Variants in SLC9B1 observed in about 807,000 individuals in gnomAD.
SLC9B1 encodes the protein solute carrier family 9 member B1, also known as sodium/hydrogen exchanger 9B1.
In SLC9B1, 32 loss-of-function variants were observed where a neutral mutation model predicts 51.7. The observed-to-expected ratio is 0.62, with a 90% CI of 0.47 to 0.83. SLC9B1 has a LOEUF of 0.83. Ranked by LOEUF, SLC9B1 falls within the 40% of genes least tolerant of loss-of-function variation. SLC9B1 has a pLI of 0.00. For missense variants in SLC9B1, 406 were observed against 613.2 expected (o/e 0.66, Z 3.57); for synonymous variants, 145 against 212.7 (o/e 0.68, Z 2.77).
rs1739908076 is a variant in SLC9B1 at position 102,990,865 on chromosome 4, C to T, written c.69+778G>A. Among the ~76,000 whole-genome samples the T allele has an allele frequency of 2.0e-5, 3 of 152,046 alleles. No homozygotes were observed. The South Asian group carries it at 6.2e-4, about 31-fold the overall frequency. On this transcript the variant is annotated intron_variant, in intron 2 of 11. Coordinates refer to ENST00000296422, the MANE Select transcript of SLC9B1 (RefSeq NM_139173.4). The stretch of plus-strand genomic sequence containing the variant: ...ATGGTTAAAAATGAATTATGTAGCT[C>T]TTTAAGATCAAAGTTCTTCAAATCT...
chr4:103,011,818 T>G (rs76281393), intron 1 of SLC9B1, among the ~76,000 whole-genome samples: 28,981 of 152,052 alleles, frequency 0.19, 3,260 homozygotes, highest in African/African-American at 0.3. Flanking sequence ...AAGCCCTGAG[T>G]TCCCATGGAC....
At chr4:102,968,534 T>A (rs190570098) in intron 3 of SLC9B1, among the ~76,000 whole-genome samples, 85 of 152,342 alleles carry the variant, frequency 5.6e-4, no homozygotes, top group Admixed American at 1.6e-3. Flanking sequence ...TTCAAATATT[T>A]CTTAAATAAA....
Position 102,924,343 on chromosome 4 carries a change from G to A in SLC9B1, c.829+7781C>T, listed in dbSNP as rs113756057. ...ATTTAATAAATGGTGCTGGGAAAAC[G>A]GGCTAGCAATACGTAGAAAACTGAA... is the stretch of plus-strand genomic sequence containing the variant. On this transcript the variant is annotated intron_variant, in intron 7 of 11. Coordinates refer to ENST00000296422, the MANE Select transcript of SLC9B1 (RefSeq NM_139173.4). 9.0e-3 allele frequency among the ~76,000 whole-genome samples: 1,372 copies of A among 152,088 alleles called. 14 individuals are homozygous for A. Among genetic ancestry groups the A allele is most frequent in the African/African-American group, 0.03 (1,246 of 41,516 alleles).
At chr4:102,926,928 G>A (rs1736213593) in intron 7 of SLC9B1, among the ~76,000 whole-genome samples, 1 of 152,060 alleles carries the variant, frequency 6.6e-6, no homozygotes, top group Admixed American at 6.6e-5. Flanking sequence ...CAGAACAGAG[G>A]CCTCAGAAAT....
chr4:103,008,480 CT>C (rs563726546), intron 1 of SLC9B1, among the ~76,000 whole-genome samples: 1 of 150,516 alleles, frequency 6.6e-6, no homozygotes, highest in Non-Finnish European at 1.5e-5. Flanking sequence ...GTGGTGCGAT[CT>C]GGGTTCACTG....
rs568330874 is a variant in SLC9B1, at chr4:102,985,711, G to A, written c.211+4089C>T. On this transcript the variant is annotated intron_variant, in intron 3 of 11. Transcript: ENST00000296422. Reference sequence around the variant, plus strand: ...GCTAATTTTTTGTATTTTTAGTAGAGACAGGGCTTCACCATGTTGGCCAGG... The same window carrying A: ...GCTAATTTTTTGTATTTTTAGTAGAAACAGGGCTTCACCATGTTGGCCAGG... 6.6e-5 allele frequency among the ~76,000 whole-genome samples: 10 copies of A among 152,002 alleles called. No individual in the cohort carries two copies. The South Asian group carries it at 2.1e-3, about 32-fold the overall frequency.
intron 3 of SLC9B1, among the ~76,000 whole-genome samples, chr4:102,972,005 T>G (rs1738788949): frequency 6.6e-6 from 1 of 152,018 alleles, no homozygotes; most frequent in Non-Finnish European, 1.5e-5. Flanking sequence ...TTAATTAGCC[T>G]ACCAACAAAA....
chr4:102,920,232 T>C (rs1735796119), intron 7 of SLC9B1, among the ~76,000 whole-genome samples: 3 of 152,176 alleles, frequency 2.0e-5, no homozygotes, highest in Admixed American at 2.0e-4. Flanking sequence ...TATTTGCTGT[T>C]CTGCAGCCTC....
intron 3 of SLC9B1, among the ~76,000 whole-genome samples, chr4:102,968,235 A>G (rs535461264): frequency 6.6e-6 from 1 of 152,356 alleles, no homozygotes; most frequent in South Asian, 2.1e-4. Flanking sequence ...AGATGCTAAG[A>G]CAATTCAATA....
chr4:102,962,101 G>C (rs1738168345), intron 3 of SLC9B1: 1 of 388,558 alleles, frequency 2.6e-6, no homozygotes, highest in Non-Finnish European at 5.0e-6. Flanking sequence ...ACTGCTCTGG[G>C]TCTCAGCCCT....
chr4:103,001,014 A>G (rs1211075780), intron 1 of SLC9B1, among the ~76,000 whole-genome samples: 1 of 152,172 alleles, frequency 6.6e-6, no homozygotes, highest in Non-Finnish European at 1.5e-5. Context: ...ATTTCCATAC[A>G]TCTTCTGAAA....
chr4:102,994,066 T>C (rs1029574165), intron 1 of SLC9B1, among the ~76,000 whole-genome samples: 2 of 152,154 alleles, frequency 1.3e-5, no homozygotes, highest in African/African-American at 4.8e-5. Flanking sequence ...ATTTTCCCCA[T>C]TGTCTTGGTG....
chr4:103,009,182 T>C (rs758263505), intron 1 of SLC9B1, among the ~76,000 whole-genome samples: 32 of 152,244 alleles, frequency 2.1e-4, no homozygotes, highest in Non-Finnish European at 3.1e-4. Context: ...TACGTACTTC[T>C]TGGGAACTTC....
chr4:103,001,083 C>G (rs1045881802), intron 1 of SLC9B1, among the ~76,000 whole-genome samples: 3 of 152,236 alleles, frequency 2.0e-5, no homozygotes, highest in South Asian at 2.1e-4. Context: ...GGGCCCAACA[C>G]CACGTGTAAG....
chr4:102,991,634 A>C lies in SLC9B1; in HGVS notation c.69+9T>G. On this transcript the variant is annotated intron_variant, in intron 2 of 11. Transcript: ENST00000296422. The stretch of plus-strand genomic sequence containing the variant: ...TATCATATATTACAGTATACTTTTA[A>C]GTTTTTACCTGAGGAGTTGTAGATG... 1 of 1,557,994 alleles carries C rather than the reference A, an allele frequency of 6.4e-7. No homozygotes were observed. Among genetic ancestry groups the C allele is most frequent in the East Asian group, 2.3e-5 (1 of 43,292 alleles).
rs559776147 is a variant in SLC9B1 at position 102,946,397 on chromosome 4, G to C, written c.525+250C>G. Among the ~76,000 whole-genome samples the C allele has an allele frequency of 1.8e-3, 270 of 152,166 alleles. 1 individual carries two copies. Among genetic ancestry groups the C allele is most frequent in the African/African-American group, 6.3e-3 (261 of 41,530 alleles). On this transcript the variant is annotated intron_variant, in intron 5 of 11. Transcript: ENST00000296422. ...ACTATCTCAGCTCACTGCAACCTCCGTCTCTCAGGTTCAAGCAATTCTCTT... is the reference window on the plus strand; with the variant it reads ...ACTATCTCAGCTCACTGCAACCTCCCTCTCTCAGGTTCAAGCAATTCTCTT...
In SLC9B1 at chr4:102,887,633, A is replaced by C. The variant is rs1733998451; in HGVS notation, c.1333-2305T>G. On this transcript the variant is annotated intron_variant, in intron 11 of 11. Coordinates refer to the SLC9B1 transcript ENST00000394789. ...TATTCTGACTTCAAAGAATTAATGT[A>C]TCTTCCAACAATAAAATCACTTCTG... The C allele has an allele frequency of 3.6e-5, 15 of 413,534 alleles. No individual in the cohort carries two copies. In the South Asian group the frequency reaches 5.5e-4, roughly 15 times the overall value. The allele number at this position is 413,534 out of a possible 1,614,324, so 25.6% of individuals were successfully genotyped here. A position where few individuals can be genotyped will look rare whatever the true frequency, so the allele number is the denominator to read the frequency against.
chr4:102,905,974 C>A (rs1735024134), intron 10 of SLC9B1, among the ~76,000 whole-genome samples: 1 of 151,976 alleles, frequency 6.6e-6, no homozygotes, highest in Non-Finnish European at 1.5e-5. Context: ...CTTGCTCTGT[C>A]ACCCAGGCTG....
chr4:103,003,854 A>G (rs889558080), intron 1 of SLC9B1, among the ~76,000 whole-genome samples: 8 of 152,108 alleles, frequency 5.3e-5, no homozygotes, highest in Admixed American at 2.6e-4. Context: ...ACCCCTTAAA[A>G]TCTTCCAGAA....
Sources: allele counts gnomAD v4.1 joint callset (sites outside exome capture counted in the v4.1 genomes callset), GRCh38; gene constraint gnomAD v4.1.1; transcripts MANE v1.5; gene names NCBI Gene and HGNC (gene_info 2026-07-23, HGNC 2026-07-21).